Variants in ITGA7 observed in about 807,000 individuals in gnomAD.
ITGA7 encodes the protein integrin subunit alpha 7.
ITGA7 carries 84 observed loss-of-function variants against 131.6 expected under a neutral mutation model. The ratio of observed to expected loss-of-function variants is 0.64; its 90% CI spans 0.54 to 0.77. ITGA7 has a LOEUF of 0.77. Among genes scored for constraint, ITGA7 ranks in the 30% least tolerant of loss-of-function variants. The pLI is 0.00. For synonymous variants in ITGA7, 548 were observed against 600.7 expected, an observed-to-expected ratio of 0.91 and a Z score of 1.28; for missense variants, 1,399 against 1,482.9, an observed-to-expected ratio of 0.94 and a Z score of 0.93.
intron 3 of ITGA7, among the ~76,000 whole-genome samples, chr12:55,702,387 C>G (rs1032146522): frequency 5.3e-5 from 8 of 152,056 alleles, no homozygotes; most frequent in Non-Finnish European, 1.2e-4. Flanking sequence ...TCACCATGGT[C>G]TCGATCTCCT....
At chr12:55,699,744 A>G (rs1200092027) in intron 5 of ITGA7, 126 bp downstream of exon 5, 15 of 1,265,746 alleles carry the variant, frequency 1.2e-5, no homozygotes, top group African/African-American at 3.0e-5. Context: ...TTTGGGCCCA[A>G]TGTATGTCTC....
At chr12:55,714,831 GA>G (rs1246413062), upstream of ITGA7, among the ~76,000 whole-genome samples, 2 of 141,088 alleles carry the variant, frequency 1.4e-5, no homozygotes, top group Non-Finnish European at 3.0e-5. Context: ...TCACTCCTTA[GA>G]TTCTATTTAA....
At chr12:55,693,403 T>C (rs1871925628) in intron 19 of ITGA7, 86 bp from the exon 20 acceptor site, 1 of 1,204,598 alleles carries the variant, frequency 8.3e-7, no homozygotes, top group African/African-American at 1.5e-5. Context: ...AGGATCTATG[T>C]TGCCCAGGCT....
rs111874252 is a variant in ITGA7 at position 55,687,859 on chromosome 12, G to C, written c.3183+112C>G. The C allele has an allele frequency of 8.8e-4, 1,237 of 1,401,210 alleles. 12 individuals carry two copies. The Admixed American group carries it at 0.011, about 12-fold the overall frequency. 86.8% of individuals were successfully genotyped at this position (1,401,210 alleles called of 1,614,324 possible). On this transcript the variant is annotated intron_variant, in intron 24 of 24. Coordinates refer to ENST00000257879, the MANE Select transcript of ITGA7 (RefSeq NM_002206.3). ...CTGAGACATGCAGGGCAAGTGTTCA[G>C]TGCAGATTTGCTGAATACATGAGTG...
At position 55,693,308 on chromosome 12, in the gene ITGA7, G is replaced by C. The variant is rs143055936; in HGVS notation, c.2545C>G (p.Gln849Glu). 7.7e-5 allele frequency: 125 copies of C among 1,613,670 alleles called. No individual in the cohort carries two copies. Among genetic ancestry groups the C allele is most frequent in the Non-Finnish European group, 9.8e-5 (116 of 1,179,884 alleles). ...KVKYEVTVSN[Q>E]GQSLRTLGSA... ...CCCAGGGTTCTGAGCGACTGGCCTT[G>C]GTTGGAAACCTGTGGGAAAAAGAGA... Residue 849 changes from glutamine to glutamate, a missense_variant, in exon 20 of 25, where the codon CAA becomes GAA. Physicochemically the swap from Gln to Glu is conservative, Grantham distance 29 (BLOSUM62 2). Transcript: ENST00000257879.
chr12:55,685,079 A>G lies in ITGA7; in HGVS notation c.3393T>C (p.His1131=). Residue 1131 remains histidine (H), a synonymous_variant, in exon 25 of 25, where the codon CAT becomes CAC. Transcript: ENST00000257879. The part of the protein sequence containing the change: ...DGHPELGPDG[H]PGPGTA ...GAACCTAGGCGGTGCCTGGCCCTGG[A>G]TGCCCATCGGGGCCCAGCTCGGGAT... 3.1e-6 allele frequency: 5 copies of G among 1,596,644 alleles called. No homozygotes were observed. The highest frequency in any genetic ancestry group is 4.3e-6 in the Non-Finnish European group (5 of 1,173,466).
At chr12:55,715,581 G>A (rs1382814502), upstream of ITGA7, among the ~76,000 whole-genome samples, 1 of 152,160 alleles carries the variant, frequency 6.6e-6, no homozygotes, top group Non-Finnish European at 1.5e-5. Flanking sequence ...AAGCTCCCTA[G>A]GAGGCTGTCT....
upstream of ITGA7, chr12:55,711,924 C>A (rs1876153408): frequency 1.4e-6 from 1 of 713,060 alleles, no homozygotes; most frequent in Non-Finnish European, 2.5e-6. Flanking sequence ...AGCTTACAAG[C>A]AAACACTTCC....
At chr12:55,698,259 C>G in intron 7 of ITGA7, 124 bp downstream of exon 7, 1 of 980,666 alleles carries the variant, frequency 1.0e-6, no homozygotes, top group Non-Finnish European at 1.5e-6. Context: ...TGGTACAGCT[C>G]AGACATAAGC....
At chr12:55,710,219 G>A (rs572695683), upstream of ITGA7, among the ~76,000 whole-genome samples, 15 of 152,082 alleles carry the variant, frequency 9.9e-5, no homozygotes, top group East Asian at 2.9e-3. Flanking sequence ...AAATTAGCCG[G>A]GTGTGGTGGC....
intron 21 of ITGA7, among the ~76,000 whole-genome samples, chr12:55,690,685 C>A (rs1230771970): frequency 8.9e-5 from 13 of 145,306 alleles, no homozygotes; most frequent in African/African-American, 2.8e-4. Context: ...ATGTTTATTG[C>A]GGCACTATTC....
chr12:55,698,395 C>T lies in ITGA7; in HGVS notation c.1180G>A (p.Asp394Asn), dbSNP rs1327022290. 1 of 1,612,870 alleles carries T rather than the reference C, an allele frequency of 6.2e-7. No individual in the cohort carries two copies. Among genetic ancestry groups the T allele is most frequent in the East Asian group, 2.2e-5 (1 of 44,798 alleles). The change falls in exon 7 of 25, where the codon GAT (aspartate) becomes AAT (asparagine). Residue 394 changes from aspartate to asparagine, a missense_variant. Coordinates refer to ENST00000257879, the MANE Select transcript of ITGA7 (RefSeq NM_002206.3). ...TTCCCCGTCACACCTGGAAAGCCATCTTGGTTGAGGTCCCCCAGGACAGCC... is the reference window on the plus strand; with the variant it reads ...TTCCCCGTCACACCTGGAAAGCCATTTTGGTTGAGGTCCCCCAGGACAGCC... ...SLAVLGDLNQ[D>N]GFPDIAVGAP...
At chr12:55,686,538 G>A (rs575439186) in intron 24 of ITGA7, among the ~76,000 whole-genome samples, 2 of 152,312 alleles carry the variant, frequency 1.3e-5, no homozygotes, top group African/African-American at 2.4e-5. Flanking sequence ...ACTTGCCAAA[G>A]GGTGGCTCAG....
In ITGA7 at chr12:55,696,962, C is replaced by G. The variant is rs967398275; in HGVS notation, c.1674G>C (p.Ser558=). ...GCTGGTGCTTCAGCCACACGGTGCC[C>G]GAGGCCTGGTGCTTGGGTTCTTCCA... ...RNLEEPKHQA[S]GTVWLKHQHD... Residue 558 remains serine (S), a synonymous_variant, in exon 12 of 25, where the codon TCG becomes TCC. Transcript: ENST00000257879. The G allele has an allele frequency of 1.2e-6, 2 of 1,614,140 alleles. No homozygotes were observed. The highest frequency in any genetic ancestry group is 1.7e-4 in the Middle Eastern group (1 of 6,010).
intron 4 of ITGA7, 59 bp from the exon 5 acceptor site, chr12:55,700,048 A>G: frequency 6.3e-7 from 1 of 1,593,456 alleles, no homozygotes; most frequent in Non-Finnish European, 8.6e-7. Flanking sequence ...GCCACAGAGT[A>G]GGGAGACAGA....
At chr12:55,700,317 C>A in intron 4 of ITGA7, 1 of 1,610,568 alleles carries the variant, frequency 6.2e-7, no homozygotes, top group Non-Finnish European at 8.5e-7. Flanking sequence ...CCTTCTCTCC[C>A]CCCGCCTCGT....
chr12:55,715,079 T>C (rs1876419228), upstream of ITGA7, among the ~76,000 whole-genome samples: 2 of 152,180 alleles, frequency 1.3e-5, no homozygotes, highest in South Asian at 4.1e-4. Context: ...CAGCCTGGTC[T>C]CGAACTCCTG....
At chr12:55,687,525 T>C (rs1298034316) in intron 24 of ITGA7, among the ~76,000 whole-genome samples, 1 of 123,638 alleles carries the variant, frequency 8.1e-6, no homozygotes, top group Non-Finnish European at 1.6e-5. Context: ...GGAGTCTCGC[T>C]CTGTCACCCA....
At chr12:55,693,824 C>G (rs1157485592) in intron 19 of ITGA7, among the ~76,000 whole-genome samples, 197 bp downstream of exon 19, 1 of 152,104 alleles carries the variant, frequency 6.6e-6, no homozygotes, top group Non-Finnish European at 1.5e-5. Context: ...GACAGCCAGA[C>G]AGAATGACCA....
Sources: gnomAD v4.1 joint callset for allele counts (sites outside exome capture counted in the v4.1 genomes callset) on GRCh38, gnomAD v4.1.1 for gene constraint, MANE v1.5 for transcripts, NCBI Gene and HGNC (gene_info 2026-07-23, HGNC 2026-07-21) for gene names.